Variants in SLC26A7 observed in about 807,000 individuals in gnomAD.
SLC26A7 encodes the protein anion exchange transporter.
A neutral mutation model predicts 82.5 loss-of-function variants in SLC26A7; 59 were observed. That is an observed-to-expected ratio of 0.72 (90% confidence interval 0.58 to 0.89). The LOEUF (loss-of-function observed/expected upper bound fraction) is 0.89, where lower values mean the gene tolerates loss of function less well. Ranked by LOEUF, SLC26A7 falls within the 40% of genes least tolerant of loss-of-function variation. SLC26A7 has a pLI of 0.00. For synonymous variants in SLC26A7, 271 were observed against 274.3 expected, an observed-to-expected ratio of 0.99 and a Z score of 0.12; for missense variants, 820 against 793.0, an observed-to-expected ratio of 1.03 and a Z score of -0.41.
intron 4 of SLC26A7, among the ~76,000 whole-genome samples, chr8:91,307,953 C>T (rs1348378318): frequency 6.6e-6 from 1 of 152,066 alleles, no homozygotes; most frequent in Non-Finnish European, 1.5e-5. Context: ...TTCATCTTGG[C>T]CTTCCAAAGC....
chr8:91,297,187 G>T (rs1454919843), intron 4 of SLC26A7, among the ~76,000 whole-genome samples: 2 of 151,948 alleles, frequency 1.3e-5, no homozygotes, highest in African/African-American at 4.8e-5. Flanking sequence ...AGTAGTTTTA[G>T]GTTGTTTAAT....
intron 15 of SLC26A7, among the ~76,000 whole-genome samples, chr8:91,377,405 G>A (rs957768931): frequency 6.6e-6 from 1 of 152,126 alleles, no homozygotes; most frequent in Non-Finnish European, 1.5e-5. Context: ...GATCTCCAGA[G>A]GTCTGAAAGC....
intron 15 of SLC26A7, among the ~76,000 whole-genome samples, chr8:91,375,815 GC>G (rs1814500189): frequency 6.6e-6 from 1 of 151,846 alleles, no homozygotes; most frequent in Admixed American, 6.6e-5. Context: ...TGAATTATTT[GC>G]TAAAATGTGT....
intron 14 of SLC26A7, among the ~76,000 whole-genome samples, chr8:91,369,294 A>C (rs1449391033): frequency 2.0e-5 from 3 of 152,162 alleles, no homozygotes; most frequent in African/African-American, 2.4e-5. Context: ...ATAATACATT[A>C]TTTGAGAAAT....
chr8:91,244,681 T>TATA (rs529716321), upstream of SLC26A7, among the ~76,000 whole-genome samples: 1,639 of 151,392 alleles, frequency 0.011, 14 homozygotes, highest in Admixed American at 0.016. Context: ...ATTTTTCAAT[T>TATA]ATTATTATTA....
chr8:91,348,542 T>C (rs1813627646), intron 9 of SLC26A7: 1 of 240,024 alleles, frequency 4.2e-6, no homozygotes, highest in African/African-American at 2.3e-5. Flanking sequence ...TATCAGTAGT[T>C]ATGATTTTGA....
intron 2 of SLC26A7, among the ~76,000 whole-genome samples, chr8:91,277,575 A>ACT (rs1246008846): frequency 7.9e-5 from 12 of 152,208 alleles, no homozygotes; most frequent in African/African-American, 2.9e-4. Flanking sequence ...GTTGCCACAA[A>ACT]ATACTGACAT....
At chr8:91,279,888 T>C in intron 2 of SLC26A7, among the ~76,000 whole-genome samples, 1 of 152,136 alleles carries the variant, frequency 6.6e-6, no homozygotes. Flanking sequence ...TACCTATTGG[T>C]CCTTTGTATG....
intron 5 of SLC26A7, among the ~76,000 whole-genome samples, chr8:91,324,102 C>T (rs1812870690): frequency 6.6e-6 from 1 of 152,154 alleles, no homozygotes; most frequent in African/African-American, 2.4e-5. Context: ...GCTGGGATTA[C>T]AGGCATGAGC....
At chr8:91,340,585 T>C (rs1486276192) in intron 8 of SLC26A7, 34 bp downstream of exon 8, 1 of 1,612,486 alleles carries the variant, frequency 6.2e-7, no homozygotes, top group Non-Finnish European at 8.5e-7. Context: ...TCCACTCCAG[T>C]TGTATCATTG....
chr8:91,278,093 G>A (rs1811454633), intron 2 of SLC26A7, among the ~76,000 whole-genome samples: 2 of 152,136 alleles, frequency 1.3e-5, no homozygotes, highest in South Asian at 4.1e-4. Flanking sequence ...GAGGAGGGAA[G>A]TGGAAATATT....
chr8:91,259,036 A>G (rs1294012885), intron 2 of SLC26A7, among the ~76,000 whole-genome samples: 2 of 151,954 alleles, frequency 1.3e-5, no homozygotes, highest in South Asian at 2.1e-4. Flanking sequence ...GTCTTTTCTC[A>G]TCCCTTTCTA....
intron 11 of SLC26A7, among the ~76,000 whole-genome samples, chr8:91,354,873 A>G (rs1446742661): frequency 2.0e-5 from 3 of 152,126 alleles, no homozygotes; most frequent in African/African-American, 7.2e-5. Context: ...AAATTCTATT[A>G]TTTAGATGCA....
chr8:91,284,060 G>A (rs951022862), intron 2 of SLC26A7, among the ~76,000 whole-genome samples: 2 of 152,148 alleles, frequency 1.3e-5, no homozygotes, highest in Admixed American at 6.5e-5. Context: ...AGAAATATGT[G>A]TATATACATA....
At chr8:91,234,449 T>C (rs1810358238) in intron 2 of SLC26A7, among the ~76,000 whole-genome samples, 1 of 149,292 alleles carries the variant, frequency 6.7e-6, no homozygotes. Context: ...GTCATTGTTA[T>C]TGCATTCATT....
At chr8:91,379,108 C>T (rs958475422) in intron 15 of SLC26A7, among the ~76,000 whole-genome samples, 2 of 150,356 alleles carry the variant, frequency 1.3e-5, no homozygotes, top group Non-Finnish European at 3.0e-5. Context: ...AATGTATAGA[C>T]CTACACAGGA....
chr8:91,337,560 A>G (rs1249852973), intron 6 of SLC26A7, among the ~76,000 whole-genome samples: 1 of 152,152 alleles, frequency 6.6e-6, no homozygotes, highest in Admixed American at 6.6e-5. Context: ...TAACAGAAGG[A>G]TAGGGTATCT....
chr8:91,265,927 GC>G (rs1402610735), intron 2 of SLC26A7, among the ~76,000 whole-genome samples: 3 of 151,954 alleles, frequency 2.0e-5, no homozygotes, highest in Non-Finnish European at 4.4e-5. Context: ...CTATGCAGAA[GC>G]TTTTTAGTTT....
At chr8:91,228,868 G>T (rs1436305690) in intron 2 of SLC26A7, among the ~76,000 whole-genome samples, 1 of 152,150 alleles carries the variant, frequency 6.6e-6, no homozygotes, top group African/African-American at 2.4e-5. Flanking sequence ...CCTCATTCAA[G>T]TAACATTGGT....
Sources: allele counts gnomAD v4.1 joint callset (sites outside exome capture counted in the v4.1 genomes callset), GRCh38; gene constraint gnomAD v4.1.1; transcripts MANE v1.5; gene names NCBI Gene and HGNC (gene_info 2026-07-23, HGNC 2026-07-21).